Variants in SLC30A4 observed in about 807,000 individuals in gnomAD.
The protein encoded by SLC30A4 is probable proton-coupled zinc antiporter SLC30A4.
SLC30A4 carries 20 observed loss-of-function variants against 41.7 expected under a neutral mutation model. The observed-to-expected ratio is 0.48, with a 90% CI of 0.34 to 0.70. The LOEUF (loss-of-function observed/expected upper bound fraction) is 0.70. SLC30A4 is among the 30% of genes least tolerant of loss of function. SLC30A4 has a pLI of 0.01. For synonymous variants in SLC30A4, 181 were observed against 195.9 expected, an observed-to-expected ratio of 0.92 and a Z score of 0.64; for missense variants, 441 against 529.3, an observed-to-expected ratio of 0.83 and a Z score of 1.64.
At chr15:45,496,717 C>T (rs925542878) in intron 3 of SLC30A4, among the ~76,000 whole-genome samples, 6 of 151,834 alleles carry the variant, frequency 4.0e-5, no homozygotes, top group South Asian at 2.1e-4. Flanking sequence ...GAAAAATGGC[C>T]GGATGTGGTA....
At position 45,490,671 on chromosome 15, in the gene SLC30A4, A is replaced by T. The variant is rs970485328; in HGVS notation, c.692+57T>A. ...ACTGAATATTACTGAATGCATATGC[A>T]ATAGTCTCTGAGTTCACAGTACTTG... On this transcript the variant is annotated intron_variant, in intron 4 of 7. Transcript: ENST00000261867. The T allele has an allele frequency of 7.0e-6, 8 of 1,149,320 alleles. No homozygotes were observed. In the African/African-American group the frequency reaches 1.2e-4, roughly 18 times the overall value. 71.2% of individuals were successfully genotyped at this position (1,149,320 alleles called of 1,614,324 possible).
intron 3 of SLC30A4, among the ~76,000 whole-genome samples, chr15:45,503,404 G>A (rs1225785795): frequency 6.6e-6 from 1 of 151,756 alleles, no homozygotes; most frequent in Non-Finnish European, 1.5e-5. Context: ...GGATCACAAG[G>A]TCAGGAGTTC....
At chr15:45,490,156 A>G (rs545473110) in intron 4 of SLC30A4, among the ~76,000 whole-genome samples, 13 of 152,280 alleles carry the variant, frequency 8.5e-5, no homozygotes, top group East Asian at 5.8e-4. Context: ...CAGTGGCCCA[A>G]TCATAGCTCA....
rs1040351437 is a variant in SLC30A4 at position 45,482,832 on chromosome 15, C to T, written c.*2331G>A. On this transcript the variant is annotated 3_prime_UTR_variant, in exon 8 of 8. Transcript: ENST00000261867. ...TTTGAGATAGGGTCTCATTTTGTTA[C>T]TCAGGCTGCAGTGCAATGGTGTGGA... is the stretch of plus-strand genomic sequence containing the variant. 1.3e-5 allele frequency: 2 copies of T among 152,090 alleles called. No homozygotes were observed. Among genetic ancestry groups the T allele is most frequent in the Non-Finnish European group, 2.9e-5 (2 of 68,006 alleles). The allele number at this position is 152,090 out of a possible 1,614,324, so 9.4% of individuals were successfully genotyped here.
At chr15:45,490,509 T>C (rs558330510) in intron 4 of SLC30A4, among the ~76,000 whole-genome samples, 2 of 152,344 alleles carry the variant, frequency 1.3e-5, no homozygotes, top group East Asian at 3.9e-4. Context: ...ACAAAAAACT[T>C]TGTCCTACTT....
chr15:45,509,339 C>T (rs550713146), intron 3 of SLC30A4, among the ~76,000 whole-genome samples: 7 of 151,608 alleles, frequency 4.6e-5, no homozygotes, highest in Non-Finnish European at 5.9e-5. Flanking sequence ...CTACAACCTC[C>T]GCCTCCCGGG....
At chr15:45,488,275 T>A (rs1891745900) in intron 5 of SLC30A4, among the ~76,000 whole-genome samples, 1 of 152,140 alleles carries the variant, frequency 6.6e-6, no homozygotes, top group Non-Finnish European at 1.5e-5. Flanking sequence ...TCACGAGTTT[T>A]AAAATTGAGT....
intron 3 of SLC30A4, among the ~76,000 whole-genome samples, chr15:45,492,538 G>T (rs1003595035): frequency 1.3e-5 from 2 of 151,956 alleles, no homozygotes; most frequent in Non-Finnish European, 2.9e-5. Flanking sequence ...CTTCATGAAG[G>T]CTATTAATTA....
chr15:45,511,328 TA>T, intron 2 of SLC30A4, 44 bp from the exon 3 acceptor site: 2 of 1,440,918 alleles, frequency 1.4e-6, no homozygotes, highest in East Asian at 2.4e-5. Flanking sequence ...GTTAATTTTT[TA>T]AAAAAGCAAG....
At chr15:45,513,506 C>A (rs1311756378) in intron 2 of SLC30A4, among the ~76,000 whole-genome samples, 2 of 151,318 alleles carry the variant, frequency 1.3e-5, no homozygotes, top group African/African-American at 4.9e-5. Flanking sequence ...AAGTAAGGAC[C>A]TCTGAAAATC....
At position 45,481,569 on chromosome 15, in the gene SLC30A4, A is replaced by G. The variant is rs1047700747; in HGVS notation, c.*3594T>C. The stretch of plus-strand genomic sequence containing the variant: ...ATATTGTGGTCTGTGGTCCTGTCAT[A>G]ATCTGTTTTCCCAGTGCAAAATTAA... On this transcript the variant is annotated 3_prime_UTR_variant, in exon 8 of 8. Transcript: ENST00000261867. 3.9e-5 allele frequency: 6 copies of G among 152,182 alleles called. No homozygotes were observed. Among genetic ancestry groups the G allele is most frequent in the African/African-American group, 1.4e-4 (6 of 41,436 alleles). 9.4% of individuals were successfully genotyped at this position (152,182 alleles called of 1,614,324 possible).
In SLC30A4 at chr15:45,484,553, T is replaced by C. The variant is rs1483012797; in HGVS notation, c.*610A>G. 1.3e-5 allele frequency: 2 copies of C among 152,340 alleles called. No individual in the cohort carries two copies. The highest frequency in any genetic ancestry group is 2.9e-5 in the Non-Finnish European group (2 of 68,024). 9.4% of individuals were successfully genotyped at this position (152,340 alleles called of 1,614,324 possible). ...GTTAACTTTGAGATTCAAAACCCTG[T>C]AGCATCTGGAAAAGGTTGTTTATAA... is the stretch of plus-strand genomic sequence containing the variant. On this transcript the variant is annotated 3_prime_UTR_variant, in exon 8 of 8. Transcript: ENST00000261867.
intron 3 of SLC30A4, among the ~76,000 whole-genome samples, chr15:45,500,068 G>A (rs1646384826): frequency 2.0e-5 from 3 of 152,176 alleles, no homozygotes; most frequent in African/African-American, 7.2e-5. Flanking sequence ...TTGAAAAACT[G>A]TTATTTAATC....
Position 45,482,768 on chromosome 15 carries a change from T to C in SLC30A4, c.*2395A>G, listed in dbSNP as rs1891622405. On this transcript the variant is annotated 3_prime_UTR_variant, in exon 8 of 8. Transcript: ENST00000261867. The stretch of plus-strand genomic sequence containing the variant: ...GTCATTATTTTAAATGACTTCACAA[T>C]AGGAATCCCATCATGTATATTTTCT... The C allele has an allele frequency of 6.6e-6, 1 of 152,186 alleles. No individual in the cohort carries two copies. Among genetic ancestry groups the C allele is most frequent in the Non-Finnish European group, 1.5e-5 (1 of 68,016 alleles). 9.4% of individuals were successfully genotyped at this position (152,186 alleles called of 1,614,324 possible). A position where few individuals can be genotyped will look rare whatever the true frequency, so the allele number is the denominator to read the frequency against.
intron 2 of SLC30A4, among the ~76,000 whole-genome samples, chr15:45,518,595 C>T (rs1041223937): frequency 6.6e-6 from 1 of 152,152 alleles, no homozygotes; most frequent in African/African-American, 2.4e-5. Flanking sequence ...GAGAGTCTCA[C>T]TCTGTCACCT....
chr15:45,513,364 C>T (rs1322651607), intron 2 of SLC30A4, among the ~76,000 whole-genome samples: 1 of 151,254 alleles, frequency 6.6e-6, no homozygotes, highest in African/African-American at 2.4e-5. Context: ...TACCACCATG[C>T]TCAGCTAATC....
At chr15:45,517,991 T>C (rs1892543077) in intron 2 of SLC30A4, among the ~76,000 whole-genome samples, 1 of 152,182 alleles carries the variant, frequency 6.6e-6, no homozygotes. Flanking sequence ...CTTATCTGGC[T>C]TTCCATTGCA....
intron 3 of SLC30A4, among the ~76,000 whole-genome samples, chr15:45,503,846 TCAGA>T (rs879859452): frequency 3.5e-4 from 53 of 152,124 alleles, no homozygotes; most frequent in Admixed American, 2.8e-3. Flanking sequence ...CTTGGGAGGC[TCAGA>T]CAGGAGAATC....
intron 2 of SLC30A4, among the ~76,000 whole-genome samples, chr15:45,518,900 T>C (rs924091070): frequency 2.0e-5 from 3 of 152,074 alleles, no homozygotes; most frequent in Non-Finnish European, 2.9e-5. Flanking sequence ...CTACATAAGA[T>C]ACTTCCTACA....
Sources: gnomAD v4.1 joint callset for allele counts (sites outside exome capture counted in the v4.1 genomes callset) on GRCh38, gnomAD v4.1.1 for gene constraint, MANE v1.5 for transcripts, NCBI Gene and HGNC (gene_info 2026-07-23, HGNC 2026-07-21) for gene names.